The following GSTO1 variants were observed in gnomAD, a reference collection of about 807,000 sequenced individuals.
The protein encoded by GSTO1 is glutathione S-transferase omega-1.
GSTO1 carries 27 observed loss-of-function variants against 23.8 expected under a neutral mutation model. The observed-to-expected ratio is 1.13, with a 90% CI of 0.83 to 1.56. GSTO1 has a LOEUF of 1.56. Ranked by LOEUF, GSTO1 falls within the 40% of genes most tolerant of loss-of-function variation. GSTO1 has a pLI of 0.00. For synonymous variants in GSTO1, 105 were observed against 109.3 expected, an observed-to-expected ratio of 0.96 and a Z score of 0.25; for missense variants, 255 against 285.8, an observed-to-expected ratio of 0.89 and a Z score of 0.78.
intron 3 of GSTO1, among the ~76,000 whole-genome samples, chr10:104,260,360 C>T (rs2011128881): frequency 6.6e-6 from 1 of 152,132 alleles, no homozygotes; most frequent in Admixed American, 6.5e-5. Context: ...TATTACTTTG[C>T]CTCTCCGTTC....
At chr10:104,257,194 T>C (rs941199905) in intron 2 of GSTO1, among the ~76,000 whole-genome samples, 2 of 152,266 alleles carry the variant, frequency 1.3e-5, no homozygotes, top group African/African-American at 2.4e-5. Context: ...TCAGGCAACA[T>C]ACAAGATAGA....
intron 4 of GSTO1, 54 bp from the exon 5 acceptor site, chr10:104,266,030 T>A: frequency 1.1e-6 from 1 of 906,418 alleles, no homozygotes; most frequent in East Asian, 2.4e-5. Context: ...GCATTTCTAG[T>A]GAGTCTTACT....
chr10:104,255,257 G>A lies in GSTO1; in HGVS notation c.129G>A (p.Lys43=). Reference sequence around the variant, plus strand: ...CTGAGAGGACGCGTCTAGTCCTGAAGGCCAAGGGAATCAGGTGGGCACCCA... The same window carrying A: ...CTGAGAGGACGCGTCTAGTCCTGAAAGCCAAGGGAATCAGGTGGGCACCCA... ...PFAERTRLVL[K]AKGIRHEVIN... The change falls in exon 2 of 6, where the codon AAG becomes AAA. Residue 43 remains lysine, a synonymous_variant. Transcript: ENST00000369713. The A allele has an allele frequency of 1.2e-6, 2 of 1,609,174 alleles. No individual in the cohort carries two copies. Among genetic ancestry groups the A allele is most frequent in the Non-Finnish European group, 1.7e-6 (2 of 1,175,456 alleles).
chr10:104,267,160 G>A, intron 5 of GSTO1, 92 bp from the exon 6 acceptor site: 1 of 713,856 alleles, frequency 1.4e-6, no homozygotes, highest in South Asian at 2.4e-5. Context: ...GGAAAAAAGT[G>A]AAACTGTAGA....
intron 3 of GSTO1, 45 bp from the exon 4 acceptor site, chr10:104,262,934 C>A: frequency 1.2e-6 from 1 of 828,962 alleles, no homozygotes; most frequent in Non-Finnish European, 2.0e-6. Context: ...GGGGCCGATA[C>A]AGTTAGCCAT....
intron 4 of GSTO1, among the ~76,000 whole-genome samples, chr10:104,265,483 T>A (rs1564838037): frequency 6.6e-6 from 1 of 152,230 alleles, no homozygotes; most frequent in Non-Finnish European, 1.5e-5. Flanking sequence ...TATCTTTTGG[T>A]GAACATGTGT....
In GSTO1 at chr10:104,266,106, C is replaced by T. The variant is rs116993524; in HGVS notation, c.488C>T (p.Thr163Ile). Residue 163 changes from threonine to isoleucine, a missense_variant, in exon 5 of 6, where the codon ACC becomes ATC. Physicochemically the swap from Thr to Ile is moderately conservative, Grantham distance 89. Coordinates refer to ENST00000369713, the MANE Select transcript of GSTO1 (RefSeq NM_004832.3). ...CAGGTTCTGACTAATAAGAAGACGACCTTCTTTGGTGGCAATTCTATCTCT... is the reference window on the plus strand; with the variant it reads ...CAGGTTCTGACTAATAAGAAGACGATCTTCTTTGGTGGCAATTCTATCTCT... Reference protein sequence around the residue: ...LEEVLTNKKTTFFGGNSISMI... With the variant: ...LEEVLTNKKTIFFGGNSISMI... The T allele has an allele frequency of 3.1e-3, 4,890 of 1,600,274 alleles. 12 individuals carry two copies. Among genetic ancestry groups the T allele is most frequent in the Non-Finnish European group, 3.9e-3 (4,589 of 1,167,466 alleles).
intron 3 of GSTO1, 84 bp from the exon 4 acceptor site, chr10:104,262,895 G>GT: frequency 1.5e-6 from 1 of 660,574 alleles, no homozygotes; most frequent in South Asian, 1.8e-5. Context: ...CACCAGGACT[G>GT]TAAGGGTTCT....
chr10:104,265,974 C>T (rs553240922), intron 4 of GSTO1, 110 bp from the exon 5 acceptor site: 20 of 588,306 alleles, frequency 3.4e-5, no homozygotes, highest in East Asian at 5.5e-5. Context: ...TTGGATACAT[C>T]GGAGTAAAAA....
chr10:104,264,393 G>C (rs1017209305), intron 4 of GSTO1, among the ~76,000 whole-genome samples: 1 of 151,690 alleles, frequency 6.6e-6, no homozygotes, highest in African/African-American at 2.4e-5. Flanking sequence ...GAACACAGTA[G>C]GTAGATATAA....
At chr10:104,254,711 C>T (rs1285597404), upstream of GSTO1, 1 of 612,138 alleles carries the variant, frequency 1.6e-6, no homozygotes, top group South Asian at 1.9e-5. Flanking sequence ...TGGGTGCAGC[C>T]CTTGGCCAGC....
At chr10:104,261,834 A>G (rs2011141777) in intron 3 of GSTO1, among the ~76,000 whole-genome samples, 1 of 152,162 alleles carries the variant, frequency 6.6e-6, no homozygotes, top group South Asian at 2.1e-4. Context: ...CTTGCAATAA[A>G]ATGATACCAA....
rs763042697 is a variant in GSTO1, at chr10:104,262,985, T to C, written c.373T>C (p.Ser125Pro). 3.5e-6 allele frequency: 5 copies of C among 1,423,770 alleles called. No individual in the cohort carries two copies. The highest frequency in any genetic ancestry group is 3.6e-4 in the Middle Eastern group (2 of 5,550). The allele number at this position is 1,423,770 out of a possible 1,614,324, so 88.2% of individuals were successfully genotyped here. A position where few individuals can be genotyped will look rare whatever the true frequency, so the allele number is the denominator to read the frequency against. Residue 125 changes from serine (S) to proline (P), a missense_variant, in exon 4 of 6, where the codon TCC (serine) becomes CCC (proline). Ser to Pro is a moderately conservative substitution (Grantham distance 74). Transcript: ENST00000369713. ...MILELFSKVP[S>P]LVGSFIRSQN... ...GAAATTATTCTCTGTCTAGGTGCCA[T>C]CCTTGGTAGGAAGCTTTATTAGAAG... is the stretch of plus-strand genomic sequence containing the variant.
chr10:104,260,317 C>G (rs2011128574), intron 3 of GSTO1, among the ~76,000 whole-genome samples: 1 of 152,156 alleles, frequency 6.6e-6, no homozygotes, highest in Admixed American at 6.5e-5. Flanking sequence ...ATGACTGGCT[C>G]TGCTACTTTC....
chr10:104,263,839 T>C (rs1393011737), intron 4 of GSTO1, among the ~76,000 whole-genome samples: 1 of 152,212 alleles, frequency 6.6e-6, no homozygotes, highest in Admixed American at 6.5e-5. Context: ...GAATGGTTTT[T>C]CTGCATCTGT....
At chr10:104,256,775 C>T (rs1564835845) in intron 2 of GSTO1, among the ~76,000 whole-genome samples, 1 of 146,430 alleles carries the variant, frequency 6.8e-6, no homozygotes, top group African/African-American at 2.5e-5. Flanking sequence ...TTCTGACATA[C>T]TTTTTTTTTT....
chr10:104,263,482 G>T (rs1365359069), intron 4 of GSTO1, among the ~76,000 whole-genome samples: 1 of 151,964 alleles, frequency 6.6e-6, no homozygotes. Context: ...TTTTTTTCCT[G>T]TGTCCACTTA....
intron 2 of GSTO1, among the ~76,000 whole-genome samples, chr10:104,257,293 A>T (rs892502829): frequency 6.6e-6 from 1 of 151,842 alleles, no homozygotes; most frequent in Non-Finnish European, 1.5e-5. Context: ...AACATTTTTT[A>T]AAAAATCAGT....
At chr10:104,256,515 T>C (rs891687849) in intron 2 of GSTO1, among the ~76,000 whole-genome samples, 1 of 152,116 alleles carries the variant, frequency 6.6e-6, no homozygotes, top group African/African-American at 2.4e-5. Context: ...CCCCTAATAG[T>C]GTGGGGTAGA....
Sources: gnomAD v4.1 joint callset for allele counts (sites outside exome capture counted in the v4.1 genomes callset) on GRCh38, gnomAD v4.1.1 for gene constraint, MANE v1.5 for transcripts, NCBI Gene and HGNC (gene_info 2026-07-23, HGNC 2026-07-21) for gene names.